SYNPO2: variants seen among roughly 807,000 people sequenced by gnomAD.
SYNPO2 encodes synaptopodin 2.
SYNPO2 carries 56 observed loss-of-function variants against 85.0 expected under a neutral mutation model. The observed-to-expected ratio is 0.66, with a 90% CI of 0.53 to 0.82. SYNPO2 has a LOEUF of 0.82. SYNPO2 is among the 40% of genes least tolerant of loss of function. SYNPO2 has a pLI of 0.00. For synonymous variants in SYNPO2, 602 were observed against 591.1 expected (o/e 1.02, Z -0.27); for missense variants, 1,575 against 1,534.2 (o/e 1.03, Z -0.44).
At chr4:119,023,070 C>T (rs117932606) in intron 1 of SYNPO2, among the ~76,000 whole-genome samples, 1 of 152,314 alleles carries the variant, frequency 6.6e-6, no homozygotes, top group East Asian at 1.9e-4. Context: ...GCCACCACGC[C>T]TGGCCTGAAT....
At chr4:118,919,402 T>C (rs1048004203) in intron 1 of SYNPO2, among the ~76,000 whole-genome samples, 1 of 96,446 alleles carries the variant, frequency 1.0e-5, no homozygotes, top group African/African-American at 2.9e-5. Context: ...ACCGAAGTAA[T>C]TGACTGAAAA....
At chr4:118,991,820 G>C (rs17262729) in intron 1 of SYNPO2, among the ~76,000 whole-genome samples, 12,638 of 152,202 alleles carry the variant, frequency 0.083, 644 homozygotes, top group East Asian at 0.12. Flanking sequence ...CAATGCAAAG[G>C]GTGAGAGGAG....
At chr4:118,876,717 C>CTTTCTTTCT (rs1553934686) in intron 1 of SYNPO2, among the ~76,000 whole-genome samples, 11 of 119,606 alleles carry the variant, frequency 9.2e-5, no homozygotes, top group Non-Finnish European at 2.0e-4. Flanking sequence ...TTCTTTCTTT[C>CTTTCTTTCT]TTTCTTTCTT....
chr4:119,035,910 G>T (rs1738494790), intron 4 of SYNPO2: 1 of 984,644 alleles, frequency 1.0e-6, no homozygotes, highest in African/African-American at 1.8e-5. Context: ...CAAGGTTAAA[G>T]AACTTTGAAG....
At chr4:119,038,464 G>T in intron 4 of SYNPO2, 4 of 985,286 alleles carry the variant, frequency 4.1e-6, no homozygotes, top group Non-Finnish European at 4.8e-6. Flanking sequence ...TCGTTGGCTG[G>T]GAATGGGGAA....
At chr4:119,033,029 A>C in intron 4 of SYNPO2, 1 of 982,064 alleles carries the variant, frequency 1.0e-6, no homozygotes, top group Non-Finnish European at 1.2e-6. Flanking sequence ...CAAGTGGTAG[A>C]GTATACAGGA....
At chr4:119,007,253 C>CAT (rs59327133) in intron 1 of SYNPO2, among the ~76,000 whole-genome samples, 4,961 of 37,582 alleles carry the variant, frequency 0.13, 359 homozygotes, top group Non-Finnish European at 0.16. Context: ...TATGTATATA[C>CAT]ATATATATAT....
intron 2 of SYNPO2, 47 bp downstream of exon 2, chr4:119,023,628 G>A (rs750659679): frequency 2.5e-6 from 4 of 1,579,574 alleles, no homozygotes; most frequent in South Asian, 2.3e-5. Flanking sequence ...AAGCTACATG[G>A]GAATGATTAT....
chr4:119,014,723 C>T (rs917638569), intron 1 of SYNPO2, among the ~76,000 whole-genome samples: 8 of 152,088 alleles, frequency 5.3e-5, no homozygotes, highest in African/African-American at 1.4e-4. Context: ...TCTTAAACAC[C>T]GATGATGGCC....
intron 1 of SYNPO2, among the ~76,000 whole-genome samples, chr4:118,963,330 A>G (rs1304755849): frequency 6.6e-6 from 1 of 152,240 alleles, no homozygotes; most frequent in African/African-American, 2.4e-5. Context: ...TTAATAGCAC[A>G]TTCATACAGG....
chr4:118,890,733 C>CTCTCTCTCTCTCTGTG (rs749295331), intron 1 of SYNPO2, among the ~76,000 whole-genome samples: 61 of 126,206 alleles, frequency 4.8e-4, no homozygotes, highest in African/African-American at 1.2e-3. Flanking sequence ...CTCTCTCTCT[C>CTCTCTCTCTCTCTGTG]TGTGTGTGTG....
At chr4:118,956,488 T>A (rs1223062401) in intron 1 of SYNPO2, among the ~76,000 whole-genome samples, 12 of 152,262 alleles carry the variant, frequency 7.9e-5, no homozygotes, top group Admixed American at 7.2e-4. Context: ...TTAACTTTTT[T>A]AACTGTAATT....
Position 119,031,682 on chromosome 4 carries a change from G to A in SYNPO2, c.2907G>A (p.Pro969=), listed in dbSNP as rs533866425. ...LNALDVMKHQ[P]YQLNASLFTF... ...CATTAGATGTCATGAAGCACCAACC[G>A]TATCAGCTCAATGCATCCTTGTTTA... The change falls in exon 4 of 5, where the codon CCG becomes CCA. Residue 969 remains proline (P), a synonymous_variant. Coordinates refer to ENST00000307142, the MANE Select transcript of SYNPO2 (RefSeq NM_133477.3). 3.4e-5 allele frequency: 55 copies of A among 1,614,162 alleles called. No individual in the cohort carries two copies. The South Asian group carries it at 3.7e-4, about 11-fold the overall frequency.
chr4:118,914,286 G>A (rs1272059679), intron 1 of SYNPO2, among the ~76,000 whole-genome samples: 1 of 152,180 alleles, frequency 6.6e-6, no homozygotes, highest in Non-Finnish European at 1.5e-5. Flanking sequence ...AAGAGTATCA[G>A]TCTGGGTTCA....
chr4:118,884,928 G>A (rs1732172353), upstream of SYNPO2, among the ~76,000 whole-genome samples: 2 of 152,190 alleles, frequency 1.3e-5, no homozygotes, highest in Non-Finnish European at 2.9e-5. Flanking sequence ...AAAGTACAGA[G>A]TGATAGTAGC....
At chr4:118,889,588 T>G (rs1732296392) in intron 1 of SYNPO2, among the ~76,000 whole-genome samples, 1 of 152,192 alleles carries the variant, frequency 6.6e-6, no homozygotes, top group Non-Finnish European at 1.5e-5. Context: ...TAGTGACATT[T>G]ATTATGCAGC....
intron 1 of SYNPO2, among the ~76,000 whole-genome samples, chr4:118,899,267 A>G (rs1313780727): frequency 6.6e-6 from 1 of 152,228 alleles, no homozygotes; most frequent in Non-Finnish European, 1.5e-5. Context: ...CTAATATTTT[A>G]TGTACAGTAT....
intron 1 of SYNPO2, among the ~76,000 whole-genome samples, chr4:119,016,639 G>A (rs536294092): frequency 2.2e-4 from 33 of 152,230 alleles, no homozygotes; most frequent in Middle Eastern, 3.4e-3. Flanking sequence ...AATCTTTCAT[G>A]ATTTATCCAG....
At chr4:118,945,173 G>T (rs1734454046) in intron 1 of SYNPO2, among the ~76,000 whole-genome samples, 1 of 152,188 alleles carries the variant, frequency 6.6e-6, no homozygotes, top group African/African-American at 2.4e-5. Flanking sequence ...AGTATTTTCT[G>T]ACAATGTTTC....
Sources: gnomAD v4.1 joint callset for allele counts (sites outside exome capture counted in the v4.1 genomes callset) on GRCh38, gnomAD v4.1.1 for gene constraint, MANE v1.5 for transcripts, NCBI Gene and HGNC (gene_info 2026-07-23, HGNC 2026-07-21) for gene names.